Variants in OR10H1 observed in about 807,000 individuals in gnomAD.
OR10H1 encodes the protein olfactory receptor 10H1.
OR10H1 carries 12 observed loss-of-function variants against 13.1 expected under a neutral mutation model. That is an observed-to-expected ratio of 0.92 (90% CI 0.59 to 1.48). The LOEUF (loss-of-function observed/expected upper bound fraction) is 1.48. Among genes scored for constraint, OR10H1 ranks in the 40% most tolerant of loss-of-function variants. The pLI is 0.00. For missense variants in OR10H1, 363 were observed against 413.1 expected (o/e 0.88, Z 1.05); for synonymous variants, 168 against 175.6 (o/e 0.96, Z 0.34).
chr19:15,811,273 C>A (rs1466178306), intron 2 of OR10H1, among the ~76,000 whole-genome samples: 1 of 152,178 alleles, frequency 6.6e-6, no homozygotes, highest in Non-Finnish European at 1.5e-5. Flanking sequence ...CAAGAACCTC[C>A]AAGAAGAGGC....
intron 1 of OR10H1, among the ~76,000 whole-genome samples, chr19:15,814,478 TGTGAGAGAGAGAGAGA>T (rs1441827243): frequency 2.0e-3 from 52 of 26,484 alleles, no homozygotes; most frequent in African/African-American, 8.9e-3. Context: ...TGTGTGTGTG[TGTGAGAGAGAGAGAGA>T]GAGAGAGAGA....
Position 15,812,605 on chromosome 19 carries a change from GGA to G in OR10H1, c.-506_-505del, listed in dbSNP as rs2088939604. 1 of 144,910 alleles carries G rather than the reference GGA, an allele frequency of 6.9e-6. No individual in the cohort carries two copies. The highest frequency in any genetic ancestry group is 1.5e-5 in the Non-Finnish European group (1 of 66,714). 9.0% of individuals were successfully genotyped at this position (144,910 alleles called of 1,614,324 possible). ...AAGGAGGGAGGGAGGCAGGAAGGAA[GGA>G]GAGTGAGGGAGGAAAGAAGGAGAGT... On this transcript the variant is annotated 5_prime_UTR_variant, in exon 2 of 4. The change abolishes the stop of an existing upstream ORF in the 5' untranslated region. Coordinates refer to ENST00000641419, the MANE Select transcript of OR10H1 (RefSeq NM_013940.4).
chr19:15,810,507 C>A (rs1256160938), intron 2 of OR10H1, among the ~76,000 whole-genome samples: 1 of 151,684 alleles, frequency 6.6e-6, no homozygotes, highest in Non-Finnish European at 1.5e-5. Context: ...GAGCTTTATT[C>A]CTGTTTATGG....
In OR10H1 at chr19:15,807,140, C is replaced by T. The variant is rs143591803; in HGVS notation, c.898G>A (p.Val300Ile). 4.3e-6 allele frequency: 7 copies of T among 1,614,114 alleles called. No homozygotes were observed. Among genetic ancestry groups the T allele is most frequent in the South Asian group, 1.1e-5 (1 of 91,082 alleles). Residue 300 changes from valine to isoleucine, a missense_variant, in exon 4 of 4, where the codon GTC becomes ATC. Val to Ile is a conservative substitution (Grantham distance 29). Around this residue, in one of 3 missense-constraint regions of OR10H1, gnomAD observed 42 missense variants for 30.3 expected, o/e 1.39. Coordinates refer to ENST00000641419, the MANE Select transcript of OR10H1 (RefSeq NM_013940.4). Reference protein sequence around the residue: ...IFSLRNKELKVAMKKTFFSKL... With the variant: ...IFSLRNKELKIAMKKTFFSKL... Reference sequence around the variant, plus strand: ...CTGAAGAAGGTCTTCTTCATGGCGACCTTCAGCTCCTTGTTCCTGAGGCTG... The same window carrying T: ...CTGAAGAAGGTCTTCTTCATGGCGATCTTCAGCTCCTTGTTCCTGAGGCTG...
At chr19:15,813,993 C>T (rs559009099) in intron 1 of OR10H1, among the ~76,000 whole-genome samples, 1 of 152,130 alleles carries the variant, frequency 6.6e-6, no homozygotes, top group African/African-American at 2.4e-5. Flanking sequence ...CAGTTCTCCA[C>T]TCAGAGACTC....
intron 1 of OR10H1, among the ~76,000 whole-genome samples, chr19:15,814,958 G>A (rs537168000): frequency 1.2e-4 from 19 of 152,198 alleles, no homozygotes; most frequent in African/African-American, 4.6e-4. Context: ...ATCACCTTGG[G>A]TCACATTGAG....
intron 1 of OR10H1, among the ~76,000 whole-genome samples, chr19:15,814,472 TGTGTGTGTGAGA>T (rs1157229425): frequency 0.015 from 710 of 47,932 alleles, 2 homozygotes; most frequent in Middle Eastern, 0.067. Flanking sequence ...TGTGTGTGTG[TGTGTGTGTGAGA>T]GAGAGAGAGA....
chr19:15,804,875 C>T lies in OR10H1; in HGVS notation c.*2206G>A, dbSNP rs1226054380. 6.6e-6 allele frequency: 1 copy of T among 152,198 alleles called. No homozygotes were observed. Among genetic ancestry groups the T allele is most frequent in the Non-Finnish European group, 1.5e-5 (1 of 68,038 alleles). The allele number at this position is 152,198 out of a possible 1,614,324, so 9.4% of individuals were successfully genotyped here. On this transcript the variant is annotated 3_prime_UTR_variant, in exon 4 of 4. Transcript: ENST00000641419. ...TGTTCCTATTTCTCCACATCCTCTC[C>T]AGCACCTGTTGTTTCCTGACTTTTT...
chr19:15,811,030 C>G (rs2144943532), intron 2 of OR10H1, among the ~76,000 whole-genome samples: 1 of 152,106 alleles, frequency 6.6e-6, no homozygotes, highest in South Asian at 2.1e-4. Context: ...TCAGTCAAGC[C>G]CTGGCAGATT....
Position 15,807,377 on chromosome 19 carries a change from A to G in OR10H1, c.661T>C (p.Phe221Leu). The change falls in exon 4 of 4, where the codon TTC becomes CTC. Residue 221 changes from phenylalanine to leucine, a missense_variant. Phe to Leu is a conservative substitution (Grantham distance 22). Transcript: ENST00000641419. ...CFLLILLSYA[F>L]IVAAILKIPS... ...ATCTTCAAGATGGCGGCCACGATGA[A>G]GGCATAGGAGAGGAGGATGAGGAGA... is the stretch of plus-strand genomic sequence containing the variant. The G allele has an allele frequency of 6.2e-7, 1 of 1,614,182 alleles. No homozygotes were observed. The highest frequency in any genetic ancestry group is 1.7e-5 in the Admixed American group (1 of 60,022).
At chr19:15,808,498 G>A (rs2088916094) in intron 3 of OR10H1, among the ~76,000 whole-genome samples, 1 of 152,142 alleles carries the variant, frequency 6.6e-6, no homozygotes, top group Non-Finnish European at 1.5e-5. Flanking sequence ...GTTGCAGCAA[G>A]CTATGATGGC....
Position 15,806,352 on chromosome 19 carries a change from C to T in OR10H1, c.*729G>A, listed in dbSNP as rs1408203230. On this transcript the variant is annotated 3_prime_UTR_variant, in exon 4 of 4. Coordinates refer to ENST00000641419, the MANE Select transcript of OR10H1 (RefSeq NM_013940.4). ...ATAATTGTATGTCGTCTACAAGGTCCCTTGTAAACCTTAAAGCATGACAAA... is the reference window on the plus strand; with the variant it reads ...ATAATTGTATGTCGTCTACAAGGTCTCTTGTAAACCTTAAAGCATGACAAA... 6.6e-6 allele frequency: 1 copy of T among 152,126 alleles called. No individual in the cohort carries two copies. The highest frequency in any genetic ancestry group is 1.5e-5 in the Non-Finnish European group (1 of 68,032). 9.4% of individuals were successfully genotyped at this position (152,126 alleles called of 1,614,324 possible). A position where few individuals can be genotyped will look rare whatever the true frequency, so the allele number is the denominator to read the frequency against.
chr19:15,810,986 G>C (rs533193147), intron 2 of OR10H1, among the ~76,000 whole-genome samples: 18 of 152,184 alleles, frequency 1.2e-4, no homozygotes, highest in African/African-American at 4.3e-4. Context: ...TTTTAGAAAG[G>C]GTAGTTCACT....
Position 15,805,452 on chromosome 19 carries a change from T to C in OR10H1, c.*1629A>G, listed in dbSNP as rs1454433600. On this transcript the variant is annotated 3_prime_UTR_variant, in exon 4 of 4. Coordinates refer to ENST00000641419, the MANE Select transcript of OR10H1 (RefSeq NM_013940.4). ...ATGAGGTAAACTTTCTTTTTTTTTT[T>C]TTTTTTTTTTTTTGAGATGGAGTCT... 1 of 136,904 alleles carries C rather than the reference T, an allele frequency of 7.3e-6. No individual in the cohort carries two copies. The highest frequency in any genetic ancestry group is 7.3e-5 in the Admixed American group (1 of 13,692). 8.5% of individuals were successfully genotyped at this position (136,904 alleles called of 1,614,324 possible).
In OR10H1 at chr19:15,807,795, C is replaced by T. The variant is rs1295447853; in HGVS notation, c.243G>A (p.Met81Ile). The change falls in exon 4 of 4, where the codon ATG (methionine) becomes ATA (isoleucine). Residue 81 changes from methionine (M) to isoleucine (I), a missense_variant. By Grantham distance (10) the Met-to-Ile change is conservative. Transcript: ENST00000641419. ...GCTGGGTGGACAGCAGGTCGGCCAG[C>T]ATGCGCGGGATGATGGCCACGGTGT... ...ILYTVAIIPR[M>I]LADLLSTQRS... The T allele has an allele frequency of 1.2e-6, 2 of 1,606,984 alleles. No individual in the cohort carries two copies. Among genetic ancestry groups the T allele is most frequent in the South Asian group, 2.2e-5 (2 of 90,600 alleles).
chr19:15,815,076 C>T (rs2088958846), intron 1 of OR10H1, among the ~76,000 whole-genome samples: 1 of 152,168 alleles, frequency 6.6e-6, no homozygotes, highest in Non-Finnish European at 1.5e-5. Context: ...CACGATGGCT[C>T]ATGCCTGTAA....
chr19:15,812,833 G>A lies in OR10H1; in HGVS notation c.-732C>T, dbSNP rs193191910. 5 of 152,272 alleles carry A rather than the reference G, an allele frequency of 3.3e-5. No homozygotes were observed. The highest frequency in any genetic ancestry group is 2.6e-4 in the Admixed American group (4 of 15,294). 9.4% of individuals were successfully genotyped at this position (152,272 alleles called of 1,614,324 possible). ...CTGAGGGCTGCATGTAACACCGTCT[G>A]GAATGATGGGATGCAGAATGCAGCT... is the stretch of plus-strand genomic sequence containing the variant. On this transcript the variant is annotated 5_prime_UTR_variant, in exon 2 of 4. Coordinates refer to ENST00000641419, the MANE Select transcript of OR10H1 (RefSeq NM_013940.4).
chr19:15,814,472 TGTGTGTGTGAGAGA>T (rs1459794897), intron 1 of OR10H1, among the ~76,000 whole-genome samples: 1,017 of 47,898 alleles, frequency 0.021, 6 homozygotes, highest in South Asian at 0.044. Flanking sequence ...TGTGTGTGTG[TGTGTGTGTGAGAGA>T]GAGAGAGAGA....
chr19:15,810,879 A>G (rs1007893770), intron 2 of OR10H1, among the ~76,000 whole-genome samples: 1 of 72,964 alleles, frequency 1.4e-5, no homozygotes, highest in African/African-American at 4.2e-5. Flanking sequence ...TAAAATAAAA[A>G]TAAAGAAATA....
Sources: gnomAD v4.1 joint callset for allele counts (sites outside exome capture counted in the v4.1 genomes callset) on GRCh38, gnomAD v4.1.1 for gene constraint, gnomAD v4.1.1 regional missense constraint, MANE v1.5 for transcripts, NCBI Gene and HGNC (gene_info 2026-07-23, HGNC 2026-07-21) for gene names.